SMIM36: variants seen among roughly 807,000 people sequenced by gnomAD.
The protein encoded by SMIM36 is small integral membrane protein 36.
Position 55,489,888 on chromosome 17 carries a change from G to A in SMIM36, c.*175-10308C>T, listed in dbSNP as rs138145714. On this transcript the variant is annotated intron_variant, in intron 1 of 4. Transcript: ENST00000636752. The stretch of plus-strand genomic sequence containing the variant: ...TTTTTTTACAGAATCTCGCTCTGTC[G>A]CCCCGGCTGGAGTGCAGTGGCACAA... 1.8e-4 allele frequency among the ~76,000 whole-genome samples: 28 copies of A among 151,656 alleles called. No homozygotes were observed. In the East Asian group the frequency reaches 4.1e-3, roughly 22 times the overall value.
At chr17:55,460,455 A>AAAAAAAAAAAAAAAAAAAAAC (rs1567862737) in intron 4 of SMIM36, among the ~76,000 whole-genome samples, 1 of 148,804 alleles carries the variant, frequency 6.7e-6, no homozygotes, top group African/African-American at 2.5e-5. Flanking sequence ...AACAAAACAA[A>AAAAAAAAAAAAAAAAAAAAAC]AAAAAAGAAC....
intron 1 of SMIM36, among the ~76,000 whole-genome samples, chr17:55,494,178 C>G (rs956546814): frequency 6.6e-6 from 1 of 152,090 alleles, no homozygotes; most frequent in African/African-American, 2.4e-5. Flanking sequence ...CTGATATGTT[C>G]ATTTGTTTAT....
intron 1 of SMIM36, among the ~76,000 whole-genome samples, chr17:55,496,187 G>C (rs895640928): frequency 1.3e-5 from 2 of 152,178 alleles, no homozygotes; most frequent in Admixed American, 6.5e-5. Context: ...CCCTCCCTTG[G>C]AGCGGCACAC....
chr17:55,498,184 A>G (rs763801032), intron 1 of SMIM36, among the ~76,000 whole-genome samples: 17 of 152,188 alleles, frequency 1.1e-4, no homozygotes, highest in Non-Finnish European at 2.5e-4. Flanking sequence ...ACACAGTCCT[A>G]TTGGATTAGG....
intron 4 of SMIM36, among the ~76,000 whole-genome samples, chr17:55,452,204 A>G (rs748695264): frequency 1.1e-4 from 16 of 151,830 alleles, no homozygotes; most frequent in South Asian, 4.2e-4. Flanking sequence ...CATACATCCT[A>G]TTGTTCAGGA....
At chr17:55,508,214 C>A (rs942303888) in intron 1 of SMIM36, among the ~76,000 whole-genome samples, 3 of 152,014 alleles carry the variant, frequency 2.0e-5, no homozygotes, top group Non-Finnish European at 4.4e-5. Context: ...CATAGCCCAA[C>A]ATCCCCCTCA....
At chr17:55,468,733 G>A (rs1018745556) in intron 3 of SMIM36, among the ~76,000 whole-genome samples, 7 of 151,948 alleles carry the variant, frequency 4.6e-5, no homozygotes, top group African/African-American at 1.5e-4. Flanking sequence ...GCAAACTTCC[G>A]CCCTCCATTC....
chr17:55,462,032 GAAGATAGTT>G (rs1346217391), intron 4 of SMIM36, among the ~76,000 whole-genome samples: 1 of 152,184 alleles, frequency 6.6e-6, no homozygotes, highest in African/African-American at 2.4e-5. Context: ...AACTTGTTAA[GAAGATAGTT>G]AAAGGTCTAG....
At chr17:55,510,310 A>G (rs919384596) in intron 1 of SMIM36, among the ~76,000 whole-genome samples, 2 of 152,334 alleles carry the variant, frequency 1.3e-5, no homozygotes, top group African/African-American at 2.4e-5. Flanking sequence ...AACAAGTTCA[A>G]TGGGGTTGCC....
At chr17:55,495,064 T>G (rs1349786416) in intron 1 of SMIM36, among the ~76,000 whole-genome samples, 1 of 152,218 alleles carries the variant, frequency 6.6e-6, no homozygotes, top group Non-Finnish European at 1.5e-5. Flanking sequence ...TTGTGTGCAT[T>G]GATTGTATCC....
At chr17:55,489,793 T>C (rs1305735298) in intron 1 of SMIM36, among the ~76,000 whole-genome samples, 1 of 152,214 alleles carries the variant, frequency 6.6e-6, no homozygotes, top group Non-Finnish European at 1.5e-5. Flanking sequence ...ATGGCTCTTA[T>C]CAAAAGTCTG....
rs958643026 is a variant in SMIM36, at chr17:55,469,911, G to A, written c.*348-2583C>T. Among the ~76,000 whole-genome samples, 3 of 152,204 alleles carry A rather than the reference G, an allele frequency of 2.0e-5. No individual in the cohort carries two copies. The South Asian group carries it at 6.3e-4, about 32-fold the overall frequency. Reference sequence around the variant, plus strand: ...GCAGGAGAATCACTTGAACCTGGGAGGCAGAGGTTGTGATGAACTGAGATT... The same window carrying A: ...GCAGGAGAATCACTTGAACCTGGGAAGCAGAGGTTGTGATGAACTGAGATT... On this transcript the variant is annotated intron_variant, in intron 3 of 4. Transcript: ENST00000636752.
At chr17:55,502,095 T>A (rs1909998935) in intron 1 of SMIM36, among the ~76,000 whole-genome samples, 1 of 151,500 alleles carries the variant, frequency 6.6e-6, no homozygotes, top group South Asian at 2.1e-4. Context: ...TCTCGCTGAT[T>A]GCTAGCACAG....
At chr17:55,511,574 CAGAG>C, upstream of SMIM36, 1 of 300,090 alleles carries the variant, frequency 3.3e-6, no homozygotes. Flanking sequence ...TTCGCCTACA[CAGAG>C]AGAGAAAGAG....
intron 4 of SMIM36, among the ~76,000 whole-genome samples, chr17:55,459,687 A>G (rs796170433): frequency 3.3e-5 from 5 of 152,250 alleles, no homozygotes; most frequent in African/African-American, 1.2e-4. Context: ...GTTTAGCAAC[A>G]TGCCTAGAAT....
chr17:55,531,817 A>T, the SMIM36 span, among the ~76,000 whole-genome samples: 1 of 152,236 alleles, frequency 6.6e-6, no homozygotes, highest in Non-Finnish European at 1.5e-5. Context: ...AGGACACAAT[A>T]GTACGGAATA....
At chr17:55,530,230 G>A in the SMIM36 span, among the ~76,000 whole-genome samples, 5 of 152,198 alleles carry the variant, frequency 3.3e-5, no homozygotes, top group Admixed American at 2.6e-4. Flanking sequence ...GAGATTGACT[G>A]AGGTGGTAAA....
At chr17:55,522,972 T>C in the SMIM36 span, among the ~76,000 whole-genome samples, 2 of 152,036 alleles carry the variant, frequency 1.3e-5, no homozygotes, top group African/African-American at 2.4e-5. Flanking sequence ...CTTCCAATAT[T>C]AGGAAATAAT....
rs1488690489 is a variant in SMIM36 at position 55,509,820 on chromosome 17, GA to G, written c.*174+1058del. Among the ~76,000 whole-genome samples the G allele has an allele frequency of 2.6e-5, 4 of 152,076 alleles. No homozygotes were observed. The East Asian group carries it at 5.8e-4, about 22-fold the overall frequency. The stretch of plus-strand genomic sequence containing the variant: ...TTTGGAAATAGACTAATGAACAGGG[GA>G]AAAAACATACCATTCAACATCAACA... On this transcript the variant is annotated intron_variant, in intron 1 of 4. Transcript: ENST00000636752.
Sources: allele counts gnomAD v4.1 joint callset (sites outside exome capture counted in the v4.1 genomes callset), GRCh38; gene constraint gnomAD v4.1.1; transcripts MANE v1.5; gene names NCBI Gene and HGNC (gene_info 2026-07-23, HGNC 2026-07-21).